Variants in SV2C observed in about 807,000 individuals in gnomAD.
SV2C encodes synaptic vesicle glycoprotein 2C.
A neutral mutation model predicts 79.7 loss-of-function variants in SV2C; 49 were observed. That is an observed-to-expected ratio of 0.61 (90% CI 0.49 to 0.78). SV2C has a LOEUF of 0.78. SV2C is among the 30% of genes least tolerant of loss of function. The pLI, the probability that SV2C is intolerant of heterozygous loss-of-function variation, is 0.00. For synonymous variants in SV2C, 334 were observed against 333.2 expected (o/e 1.00, Z -0.03); for missense variants, 833 against 912.9 (o/e 0.91, Z 1.13).
rs372569739 is a variant in SV2C at position 76,142,903 on chromosome 5, C to CTTTTTTTTTTTTTTTTTTTTTT, written c.580+10582_580+10583insTTTTTTTTTTTTTTTTTTTTTT. 4.0e-4 allele frequency among the ~76,000 whole-genome samples: 54 copies of CTTTTTTTTTTTTTTTTTTTTTT among 134,644 alleles called. 1 individual carries two copies. Among genetic ancestry groups the CTTTTTTTTTTTTTTTTTTTTTT allele is most frequent in the Non-Finnish European group, 6.0e-4 (37 of 61,224 alleles). The allele number at this position is 134,644 out of a possible 152,430, so 88.3% of individuals were successfully genotyped here. ...GGTATCTCTTCAACTTTTTCTTTTC[C>CTTTTTTTTTTTTTTTTTTTTTT]TTTTTTTTTGAGACGGAGTCTTGCT... On this transcript the variant is annotated intron_variant, in intron 2 of 12. Coordinates refer to ENST00000502798, the MANE Select transcript of SV2C (RefSeq NM_014979.4).
the SV2C span, among the ~76,000 whole-genome samples, chr5:76,037,746 G>C: frequency 6.6e-6 from 1 of 152,246 alleles, no homozygotes; most frequent in Non-Finnish European, 1.5e-5. Flanking sequence ...GAGGCAGGCA[G>C]GCCTCCTTGA....
chr5:76,172,407 T>A (rs1213203599), intron 2 of SV2C, among the ~76,000 whole-genome samples: 2 of 53,832 alleles, frequency 3.7e-5, no homozygotes, highest in Non-Finnish European at 6.7e-5. Flanking sequence ...AGCCGCCCCG[T>A]CCGGGAGGGA....
At chr5:76,289,026 T>C (rs1747455471) in intron 6 of SV2C, among the ~76,000 whole-genome samples, 1 of 152,098 alleles carries the variant, frequency 6.6e-6, no homozygotes, top group Admixed American at 6.5e-5. Context: ...AATACAGGCA[T>C]GTGCCACCAT....
At chr5:76,183,040 T>C (rs889653558) in intron 2 of SV2C, among the ~76,000 whole-genome samples, 2 of 145,272 alleles carry the variant, frequency 1.4e-5, no homozygotes, top group East Asian at 4.0e-4. Flanking sequence ...ATTTTTTTTT[T>C]TTTTTTTTTT....
chr5:75,898,113 G>A, the SV2C span, among the ~76,000 whole-genome samples: 1 of 152,168 alleles, frequency 6.6e-6, no homozygotes, highest in Non-Finnish European at 1.5e-5. Flanking sequence ...ATGTTGAATA[G>A]GAGTAGTGAG....
chr5:76,192,177 C>G (rs1401796023), intron 2 of SV2C, among the ~76,000 whole-genome samples: 2 of 152,148 alleles, frequency 1.3e-5, no homozygotes, highest in Admixed American at 1.3e-4. Context: ...GGAAAGCACC[C>G]TCAGATTCTA....
At chr5:76,026,361 C>A in the SV2C span, among the ~76,000 whole-genome samples, 1 of 152,066 alleles carries the variant, frequency 6.6e-6, no homozygotes, top group South Asian at 2.1e-4. Context: ...ATCCTGAGCC[C>A]AACATAATAC....
At chr5:75,967,245 T>G in the SV2C span, among the ~76,000 whole-genome samples, 1 of 152,032 alleles carries the variant, frequency 6.6e-6, no homozygotes, top group Non-Finnish European at 1.5e-5. Context: ...AGTCCACAGC[T>G]GACACAGAAG....
rs545892251 is a variant in SV2C at position 76,312,386 on chromosome 5, G to A, written c.2000+10841G>A. Among the ~76,000 whole-genome samples the A allele has an allele frequency of 4.6e-5, 7 of 152,260 alleles. No homozygotes were observed. In the East Asian group the frequency reaches 1.4e-3, roughly 29 times the overall value. On this transcript the variant is annotated intron_variant, in intron 12 of 12. Transcript: ENST00000502798. ...TCCTGCCTCGGCCTCCTGAGTAACT[G>A]GGATTATAGGTGCCTTCCACCACTC...
intron 2 of SV2C, among the ~76,000 whole-genome samples, chr5:76,149,974 G>T (rs564996170): frequency 7.9e-5 from 12 of 152,288 alleles, no homozygotes; most frequent in African/African-American, 2.6e-4. Context: ...ATTGAGAGTA[G>T]CTTAGTTTAC....
the SV2C span, among the ~76,000 whole-genome samples, chr5:75,987,599 A>T: frequency 3.3e-5 from 5 of 151,994 alleles, no homozygotes; most frequent in African/African-American, 7.2e-5. Flanking sequence ...TGTAATGTTG[A>T]GTAGATATTG....
intron 4 of SV2C, among the ~76,000 whole-genome samples, chr5:76,244,884 G>T (rs1745897651): frequency 6.6e-6 from 1 of 152,230 alleles, no homozygotes; most frequent in South Asian, 2.1e-4. Context: ...TAACAGAATA[G>T]ATGAGGTGTA....
chr5:76,040,143 T>C, the SV2C span, among the ~76,000 whole-genome samples: 4 of 152,178 alleles, frequency 2.6e-5, no homozygotes, highest in African/African-American at 9.6e-5. Context: ...AACACATATA[T>C]GATAGAATAG....
chr5:76,044,100 C>G, the SV2C span, among the ~76,000 whole-genome samples: 1 of 152,262 alleles, frequency 6.6e-6, no homozygotes, highest in East Asian at 1.9e-4. Context: ...GTGTTGTTCC[C>G]CTCCCTGTGT....
chr5:75,906,811 G>T, the SV2C span, among the ~76,000 whole-genome samples: 1 of 152,078 alleles, frequency 6.6e-6, no homozygotes, highest in East Asian at 1.9e-4. Flanking sequence ...CCTAACTAGG[G>T]TTAATTTTGC....
intron 4 of SV2C, among the ~76,000 whole-genome samples, chr5:76,213,312 T>G (rs966436902): frequency 1.3e-5 from 2 of 152,256 alleles, no homozygotes; most frequent in African/African-American, 4.8e-5. Context: ...TAAAGTTTAA[T>G]TTTTAAAATC....
the SV2C span, among the ~76,000 whole-genome samples, chr5:75,893,246 C>A: frequency 1.3e-5 from 2 of 151,644 alleles, no homozygotes; most frequent in East Asian, 3.9e-4. Context: ...CTATTCATGC[C>A]CTTTGTCCAC....
At chr5:76,245,527 A>T (rs1395695473) in intron 4 of SV2C, among the ~76,000 whole-genome samples, 1 of 152,206 alleles carries the variant, frequency 6.6e-6, no homozygotes, top group African/African-American at 2.4e-5. Context: ...ACCTAAGCTC[A>T]ATACTTTTTT....
the SV2C span, among the ~76,000 whole-genome samples, chr5:75,858,775 G>T: frequency 1.3e-5 from 2 of 152,128 alleles, no homozygotes; most frequent in Non-Finnish European, 2.9e-5. Context: ...CTTCAATCTT[G>T]TTGCTTGTTA....
Sources: allele counts gnomAD v4.1 joint callset (sites outside exome capture counted in the v4.1 genomes callset), GRCh38; gene constraint gnomAD v4.1.1; transcripts MANE v1.5; gene names NCBI Gene and HGNC (gene_info 2026-07-23, HGNC 2026-07-21).